The following SCAMP1 variants were observed in gnomAD, a reference collection of about 807,000 sequenced individuals.
The protein encoded by SCAMP1 is secretory carrier-associated membrane protein 1.
Under a neutral mutation model 41.8 loss-of-function variants are expected in SCAMP1, and 15 were observed. The observed-to-expected ratio is 0.36, with a 90% CI of 0.24 to 0.55. The LOEUF is 0.55. SCAMP1 is among the 20% of genes least tolerant of loss of function. The pLI is 0.86. For missense variants in SCAMP1, 341 were observed against 412.6 expected, an observed-to-expected ratio of 0.83 and a Z score of 1.50; for synonymous variants, 135 against 136.8, an observed-to-expected ratio of 0.99 and a Z score of 0.09.
At chr5:78,454,306 A>G (rs1249593429) in intron 7 of SCAMP1, among the ~76,000 whole-genome samples, 1 of 152,168 alleles carries the variant, frequency 6.6e-6, no homozygotes, top group South Asian at 2.1e-4. Flanking sequence ...TCAGTATGAT[A>G]TTGGCTGTGG....
At chr5:78,411,104 GAT>G (rs1752064666) in intron 2 of SCAMP1, among the ~76,000 whole-genome samples, 1 of 152,154 alleles carries the variant, frequency 6.6e-6, no homozygotes, top group Non-Finnish European at 1.5e-5. Context: ...TCACTCTGCT[GAT>G]AGTTTGTTTT....
intron 1 of SCAMP1, among the ~76,000 whole-genome samples, chr5:78,368,938 C>T (rs565715716): frequency 1.7e-4 from 26 of 151,970 alleles, no homozygotes; most frequent in African/African-American, 3.9e-4. Flanking sequence ...CATGGCCTGA[C>T]AATGCTCTTT....
chr5:78,383,960 C>G (rs1238156400), intron 1 of SCAMP1, among the ~76,000 whole-genome samples: 3 of 152,042 alleles, frequency 2.0e-5, no homozygotes, highest in Admixed American at 2.0e-4. Flanking sequence ...TTTTCTAGTT[C>G]TGTGAAGAAT....
Position 78,459,236 on chromosome 5 carries a change from A to G in SCAMP1, c.735-9A>G, listed in dbSNP as rs73135736. 1.9e-3 allele frequency: 2,475 copies of G among 1,301,020 alleles called. 35 individuals carry two copies. In the African/African-American group the frequency reaches 0.03, roughly 16 times the overall value. The allele number at this position is 1,301,020 out of a possible 1,614,324, so 80.6% of individuals were successfully genotyped here. ...CTTTTGCCTAATTACACTTTTTATT[A>G]CTTTTTAGTGGTTGGATTTCATCCC... On this transcript the variant is annotated splice_polypyrimidine_tract_variant and intron_variant, in intron 7 of 8. Coordinates refer to ENST00000621999, the MANE Select transcript of SCAMP1 (RefSeq NM_004866.6).
At chr5:78,372,584 C>T (rs538499464) in intron 1 of SCAMP1, among the ~76,000 whole-genome samples, 12 of 152,184 alleles carry the variant, frequency 7.9e-5, no homozygotes, top group Non-Finnish European at 1.3e-4. Context: ...TCAAAAATCT[C>T]CAAGCAAGTG....
intron 2 of SCAMP1, among the ~76,000 whole-genome samples, chr5:78,403,177 G>A (rs1398488263): frequency 6.6e-6 from 1 of 152,016 alleles, no homozygotes; most frequent in Non-Finnish European, 1.5e-5. Flanking sequence ...AGCCCTCTTG[G>A]TGAGTTTAAT....
rs138195843 is a variant in SCAMP1 at position 78,440,506 on chromosome 5, G to A, written c.633-9427G>A. 9.8e-3 allele frequency among the ~76,000 whole-genome samples: 1,490 copies of A among 152,298 alleles called. 23 individuals carry two copies. The highest frequency in any genetic ancestry group is 0.012 in the African/African-American group (486 of 41,568). On this transcript the variant is annotated intron_variant, in intron 6 of 8. Coordinates refer to ENST00000621999, the MANE Select transcript of SCAMP1 (RefSeq NM_004866.6). ...GACTGTTTGCCTTGGTATCACCAGC[G>A]GAGGCTGCAGAACATCAAATATTGC...
chr5:78,394,898 G>A (rs1317649310), intron 2 of SCAMP1, among the ~76,000 whole-genome samples: 1 of 152,154 alleles, frequency 6.6e-6, no homozygotes. Flanking sequence ...ACTTATACCT[G>A]CTGGAGATAT....
At chr5:78,366,853 G>T (rs901975123) in intron 1 of SCAMP1, among the ~76,000 whole-genome samples, 10 of 150,444 alleles carry the variant, frequency 6.6e-5, no homozygotes, top group Non-Finnish European at 1.5e-4. Flanking sequence ...GGGTGTGGTG[G>T]TGCACACCTG....
At chr5:78,377,792 T>G (rs188562718) in intron 1 of SCAMP1, among the ~76,000 whole-genome samples, 1 of 152,298 alleles carries the variant, frequency 6.6e-6, no homozygotes, top group Non-Finnish European at 1.5e-5. Flanking sequence ...CTTATTTGAG[T>G]CTTTCCCATG....
intron 2 of SCAMP1, among the ~76,000 whole-genome samples, chr5:78,407,835 AT>A (rs1356328823): frequency 6.6e-6 from 1 of 151,972 alleles, no homozygotes; most frequent in African/African-American, 2.4e-5. Flanking sequence ...TATAGTTTTC[AT>A]TTCTAGAATT....
At chr5:78,381,146 C>T (rs1372685126) in intron 1 of SCAMP1, among the ~76,000 whole-genome samples, 3 of 152,100 alleles carry the variant, frequency 2.0e-5, no homozygotes, top group African/African-American at 4.8e-5. Flanking sequence ...AGATTATCAT[C>T]GTTCAGGGAA....
intron 6 of SCAMP1, among the ~76,000 whole-genome samples, chr5:78,444,889 C>T (rs893498427): frequency 6.6e-6 from 1 of 152,170 alleles, no homozygotes; most frequent in East Asian, 1.9e-4. Flanking sequence ...CCACTGTTAC[C>T]CCCATTTTGC....
intron 1 of SCAMP1, among the ~76,000 whole-genome samples, chr5:78,361,612 A>G (rs1750655006): frequency 6.6e-6 from 1 of 152,278 alleles, no homozygotes; most frequent in Admixed American, 6.5e-5. Context: ...GTCTGCGTTT[A>G]AATGAATGCA....
intron 6 of SCAMP1, among the ~76,000 whole-genome samples, chr5:78,444,752 T>C (rs972780177): frequency 3.9e-5 from 6 of 152,336 alleles, no homozygotes; most frequent in African/African-American, 1.4e-4. Context: ...ACAGTTTATT[T>C]TGATACAGTA....
chr5:78,429,345 G>GTT (rs781320541), intron 6 of SCAMP1, among the ~76,000 whole-genome samples: 3 of 96,682 alleles, frequency 3.1e-5, no homozygotes, highest in South Asian at 7.5e-4. Context: ...TGTTGAGTTG[G>GTT]TTTTTTTTTT....
chr5:78,409,911 T>C (rs1389643326), intron 2 of SCAMP1, among the ~76,000 whole-genome samples: 2 of 152,156 alleles, frequency 1.3e-5, no homozygotes, highest in Non-Finnish European at 2.9e-5. Flanking sequence ...CAGGCTAACT[T>C]TGCCAGACAT....
chr5:78,393,483 A>G (rs921641525), intron 2 of SCAMP1, among the ~76,000 whole-genome samples: 3 of 152,194 alleles, frequency 2.0e-5, no homozygotes, highest in African/African-American at 2.4e-5. Flanking sequence ...GCATAATTTT[A>G]TAACTTATAT....
intron 2 of SCAMP1, among the ~76,000 whole-genome samples, chr5:78,390,256 A>G (rs1405058884): frequency 6.6e-6 from 1 of 152,228 alleles, no homozygotes; most frequent in Non-Finnish European, 1.5e-5. Context: ...ACAGTCCAAA[A>G]GTAAAAGCAT....
Sources: allele counts gnomAD v4.1 joint callset (sites outside exome capture counted in the v4.1 genomes callset), GRCh38; gene constraint gnomAD v4.1.1; transcripts MANE v1.5; gene names NCBI Gene and HGNC (gene_info 2026-07-23, HGNC 2026-07-21).